Variants in PPARGC1A observed in about 807,000 individuals in gnomAD.
PPARGC1A encodes PPARG coactivator 1 alpha, also known as peroxisome proliferator-activated receptor gamma coactivator 1-alpha.
A neutral mutation model predicts 88.7 loss-of-function variants in PPARGC1A; 25 were observed. That is an observed-to-expected ratio of 0.28 (90% CI 0.21 to 0.39). The LOEUF (loss-of-function observed/expected upper bound fraction) is 0.39. PPARGC1A is among the 10% of genes least tolerant of loss of function. PPARGC1A has a pLI of 1.00. For synonymous variants in PPARGC1A, 363 were observed against 355.6 expected (o/e 1.02, Z -0.24); for missense variants, 880 against 968.7 (o/e 0.91, Z 1.22).
At chr4:24,194,444 C>T in the PPARGC1A span, among the ~76,000 whole-genome samples, 1 of 152,170 alleles carries the variant, frequency 6.6e-6, no homozygotes, top group African/African-American at 2.4e-5. Flanking sequence ...TGTCCTTGTG[C>T]TTTCTCTACC....
At chr4:24,091,214 T>G in the PPARGC1A span, among the ~76,000 whole-genome samples, 1 of 152,234 alleles carries the variant, frequency 6.6e-6, no homozygotes, top group Non-Finnish European at 1.5e-5. Flanking sequence ...GAAACTTTAT[T>G]AAGAAAGCAT....
the PPARGC1A span, among the ~76,000 whole-genome samples, chr4:24,231,193 G>A: frequency 2.6e-5 from 4 of 152,012 alleles, no homozygotes; most frequent in South Asian, 2.1e-4. Flanking sequence ...CTACCTCCCC[G>A]GTCTCTTGTT....
chr4:24,401,428 G>T, the PPARGC1A span, among the ~76,000 whole-genome samples: 1 of 152,166 alleles, frequency 6.6e-6, no homozygotes, highest in Non-Finnish European at 1.5e-5. Context: ...TCGGGCCAAT[G>T]AACACGTTTG....
At chr4:24,338,212 T>C in the PPARGC1A span, among the ~76,000 whole-genome samples, 1 of 152,066 alleles carries the variant, frequency 6.6e-6, no homozygotes, top group African/African-American at 2.4e-5. Context: ...CGGTATAAAA[T>C]CCTGCGAGCC....
At chr4:24,183,214 C>T in the PPARGC1A span, among the ~76,000 whole-genome samples, 1 of 152,200 alleles carries the variant, frequency 6.6e-6, no homozygotes, top group South Asian at 2.1e-4. Flanking sequence ...TCCAGGACTT[C>T]TAAGTGCCAG....
At chr4:24,118,299 G>C in the PPARGC1A span, among the ~76,000 whole-genome samples, 9 of 152,220 alleles carry the variant, frequency 5.9e-5, no homozygotes, top group African/African-American at 2.2e-4. Context: ...GAGCTACAAA[G>C]AACAGCTGCG....
the PPARGC1A span, among the ~76,000 whole-genome samples, chr4:24,455,830 T>C: frequency 6.6e-6 from 1 of 152,218 alleles, no homozygotes; most frequent in Non-Finnish European, 1.5e-5. Flanking sequence ...ATCAGCACCA[T>C]GCTCTTGGAC....
rs186357517 is a variant in PPARGC1A at position 23,832,837 on chromosome 4, C to T, written c.235-1086G>A. On this transcript the variant is annotated intron_variant, in intron 2 of 12. Coordinates refer to ENST00000264867, the MANE Select transcript of PPARGC1A (RefSeq NM_013261.5). ...ATGTTAGCCAGGATGGTCTCGATCT[C>T]CTGACCTCGTGATCCACCCACCTCG... Among the ~76,000 whole-genome samples, 113 of 147,810 alleles carry T rather than the reference C, an allele frequency of 7.6e-4. 2 individuals are homozygous for T. In the East Asian group the frequency reaches 0.021, roughly 27 times the overall value.
At chr4:23,999,094 C>T in the PPARGC1A span, among the ~76,000 whole-genome samples, 2 of 152,088 alleles carry the variant, frequency 1.3e-5, no homozygotes, top group African/African-American at 4.8e-5. Context: ...TTACAGACAA[C>T]AAAGAAAACA....
the PPARGC1A span, among the ~76,000 whole-genome samples, chr4:24,415,523 T>C: frequency 6.6e-6 from 1 of 152,174 alleles, no homozygotes; most frequent in Admixed American, 6.5e-5. Context: ...GGGCAGAGTA[T>C]ATTTTAAGGA....
chr4:24,319,897 CCTT>C, the PPARGC1A span, among the ~76,000 whole-genome samples: 114 of 152,104 alleles, frequency 7.5e-4, 2 homozygotes, highest in African/African-American at 2.4e-3. Flanking sequence ...TCATTTTTTT[CCTT>C]CTTCTTCATA....
At chr4:24,295,552 C>T in the PPARGC1A span, among the ~76,000 whole-genome samples, 1 of 151,848 alleles carries the variant, frequency 6.6e-6, no homozygotes, top group South Asian at 2.1e-4. Flanking sequence ...TCTTGAAAGG[C>T]TAATCTTTAT....
chr4:24,441,260 A>AT, the PPARGC1A span, among the ~76,000 whole-genome samples: 17 of 152,176 alleles, frequency 1.1e-4, no homozygotes, highest in African/African-American at 3.6e-4. Flanking sequence ...GGTGCTTACG[A>AT]AATGATAGCT....
At chr4:24,346,259 T>C in the PPARGC1A span, among the ~76,000 whole-genome samples, 1 of 152,172 alleles carries the variant, frequency 6.6e-6, no homozygotes, top group Non-Finnish European at 1.5e-5. Flanking sequence ...GTTGTGTCCT[T>C]TCCTGGTTTT....
intron 1 of PPARGC1A, chr4:23,888,915 G>T: frequency 6.1e-6 from 6 of 982,276 alleles, no homozygotes; most frequent in Non-Finnish European, 7.3e-6. Context: ...GATCCTCCAT[G>T]CAATTCAATT....
the PPARGC1A span, among the ~76,000 whole-genome samples, chr4:24,179,813 A>C: frequency 6.6e-6 from 1 of 152,182 alleles, no homozygotes; most frequent in Non-Finnish European, 1.5e-5. Context: ...CTCAACTGAT[A>C]TGTTTTTTAT....
At chr4:24,185,086 G>A in the PPARGC1A span, among the ~76,000 whole-genome samples, 150,638 of 152,300 alleles carry the variant, frequency 0.99, 74,521 homozygotes, top group East Asian at 1. Flanking sequence ...ACTGATCTAT[G>A]CAATTATTCT....
At chr4:23,808,362 T>C (rs1416950984) in intron 10 of PPARGC1A, among the ~76,000 whole-genome samples, 2 of 152,088 alleles carry the variant, frequency 1.3e-5, no homozygotes, top group African/African-American at 4.8e-5. Context: ...AGCTGGACAC[T>C]GACCAACAGA....
At position 23,847,721 on chromosome 4, in the gene PPARGC1A, C is replaced by T. The variant is rs376976492; in HGVS notation, c.235-15970G>A. On this transcript the variant is annotated intron_variant, in intron 2 of 12. Coordinates refer to ENST00000264867, the MANE Select transcript of PPARGC1A (RefSeq NM_013261.5). ...AACATAGCCATTAAATATTATGAAA[C>T]GAATCAAGACAGTTGTCAAATAGCA... Among the ~76,000 whole-genome samples the T allele has an allele frequency of 6.6e-5, 10 of 152,122 alleles. No individual in the cohort carries two copies. The South Asian group carries it at 1.2e-3, about 19-fold the overall frequency.
Sources: gnomAD v4.1 joint callset for allele counts (sites outside exome capture counted in the v4.1 genomes callset) on GRCh38, gnomAD v4.1.1 for gene constraint, MANE v1.5 for transcripts, NCBI Gene and HGNC (gene_info 2026-07-23, HGNC 2026-07-21) for gene names.